Variants in HIP1 observed in about 807,000 individuals in gnomAD.
HIP1 encodes huntingtin-interacting protein 1.
HIP1 carries 65 observed loss-of-function variants against 147.6 expected under a neutral mutation model. That is an observed-to-expected ratio of 0.44 (90% CI 0.36 to 0.54). HIP1 has a LOEUF of 0.54. Among genes scored for constraint, HIP1 ranks in the 20% least tolerant of loss-of-function variants. The pLI, the probability that HIP1 is intolerant of heterozygous loss-of-function variation, is 0.00. For missense variants in HIP1, 1,061 were observed against 1,299.6 expected (o/e 0.82, Z 2.82); for synonymous variants, 479 against 504.0 (o/e 0.95, Z 0.67).
rs1022768203 is a variant in HIP1, at chr7:75,710,636, C to T, written c.120+28165G>A. On this transcript the variant is annotated intron_variant, in intron 1 of 30. Coordinates refer to ENST00000336926, the MANE Select transcript of HIP1 (RefSeq NM_005338.7). ...GGCATGGTGGCACATGTCTGTAGGC[C>T]CAGCTACTTGGGAGGCTTAAGTGGG... Among the ~76,000 whole-genome samples, 11 of 152,112 alleles carry T rather than the reference C, an allele frequency of 7.2e-5. No homozygotes were observed. In the East Asian group the frequency reaches 2.1e-3, roughly 29 times the overall value.
intron 1 of HIP1, among the ~76,000 whole-genome samples, chr7:75,717,890 A>G (rs1258599924): frequency 1.3e-5 from 2 of 151,646 alleles, no homozygotes; most frequent in Non-Finnish European, 2.9e-5. Flanking sequence ...AGAATTGCTT[A>G]AACCCAGAGG....
At chr7:75,646,256 T>G (rs1211223729) in intron 1 of HIP1, among the ~76,000 whole-genome samples, 1 of 152,110 alleles carries the variant, frequency 6.6e-6, no homozygotes, top group Non-Finnish European at 1.5e-5. Flanking sequence ...ATTTTGTGTG[T>G]GTGTATTTTT....
At position 75,559,715 on chromosome 7, in the gene HIP1, C is replaced by A; in HGVS notation, c.1375+17G>T. 1 of 1,207,614 alleles carries A rather than the reference C, an allele frequency of 8.3e-7. No individual in the cohort carries two copies. 74.8% of individuals were successfully genotyped at this position (1,207,614 alleles called of 1,614,324 possible). A position where few individuals can be genotyped will look rare whatever the true frequency, so the allele number is the denominator to read the frequency against. ...GCCTGCCCCCGGGGCCCGCCCCCGC[C>A]CCCACCCACCGCTCACTTTCTATCT... On this transcript the variant is annotated intron_variant, in intron 14 of 30. Coordinates refer to ENST00000336926, the MANE Select transcript of HIP1 (RefSeq NM_005338.7).
chr7:75,554,289 G>GT, intron 20 of HIP1, 69 bp from the exon 21 acceptor site: 3 of 1,378,130 alleles, frequency 2.2e-6, no homozygotes, highest in Non-Finnish European at 3.1e-6. Context: ...CTCTCCTCCC[G>GT]TTTTATGAGT....
At chr7:75,556,291 C>T (rs1795003784) in intron 17 of HIP1, 122 bp from the exon 18 acceptor site, 3 of 1,191,080 alleles carry the variant, frequency 2.5e-6, no homozygotes, top group Non-Finnish European at 3.6e-6. Flanking sequence ...TTTAACCTGC[C>T]ACTCTGATTC....
At chr7:75,556,206 G>T in intron 17 of HIP1, 37 bp from the exon 18 acceptor site, 1 of 1,608,454 alleles carries the variant, frequency 6.2e-7, no homozygotes, top group Middle Eastern at 1.7e-4. Flanking sequence ...GGAGACGCTG[G>T]TTGAGTTAAA....
intron 9 of HIP1, among the ~76,000 whole-genome samples, chr7:75,567,721 A>G (rs1554495828): frequency 1.3e-5 from 2 of 149,958 alleles, no homozygotes; most frequent in African/African-American, 5.1e-5. Context: ...GAATCACTTG[A>G]ACCCAGGAGG....
chr7:75,555,197 G>GGGT (rs1794947858), intron 19 of HIP1, among the ~76,000 whole-genome samples: 1 of 99,058 alleles, frequency 1.0e-5, no homozygotes, highest in African/African-American at 3.8e-5. Context: ...CGGGGGGGCG[G>GGGT]GGGGGGGGAA....
chr7:75,692,330 C>T (rs1360660589), intron 1 of HIP1, among the ~76,000 whole-genome samples: 1 of 151,604 alleles, frequency 6.6e-6, no homozygotes, highest in Non-Finnish European at 1.5e-5. Flanking sequence ...TTGATCATAG[C>T]TTACTGCAGC....
intron 1 of HIP1, among the ~76,000 whole-genome samples, chr7:75,623,210 C>CAAAAA (rs34787591): frequency 2.4e-5 from 2 of 83,018 alleles, no homozygotes; most frequent in Admixed American, 1.6e-4. Context: ...AAAAAAAAAG[C>CAAAAA]AAAAAAAAAA....
intron 1 of HIP1, among the ~76,000 whole-genome samples, chr7:75,702,730 C>T (rs1237295510): frequency 1.3e-5 from 2 of 152,154 alleles, no homozygotes; most frequent in Non-Finnish European, 2.9e-5. Context: ...AGACACTGCA[C>T]TCCAGCCTGG....
intron 1 of HIP1, among the ~76,000 whole-genome samples, chr7:75,662,190 GT>G (rs1799343296): frequency 6.6e-6 from 1 of 151,972 alleles, no homozygotes; most frequent in African/African-American, 2.4e-5. Context: ...TTGTTTGTTT[GT>G]TTGTTTGTTT....
intron 1 of HIP1, among the ~76,000 whole-genome samples, chr7:75,685,168 T>C (rs1800215720): frequency 6.6e-6 from 1 of 152,080 alleles, no homozygotes; most frequent in South Asian, 2.1e-4. Flanking sequence ...ATCCTGGCAC[T>C]GTGGGAGGCT....
At chr7:75,703,634 AAAAC>A (rs1414959217) in intron 1 of HIP1, among the ~76,000 whole-genome samples, 2 of 152,180 alleles carry the variant, frequency 1.3e-5, no homozygotes, top group African/African-American at 2.4e-5. Flanking sequence ...CAACACACAC[AAAAC>A]AAACAAACAA....
chr7:75,640,156 T>G (rs1485560846), intron 1 of HIP1, among the ~76,000 whole-genome samples: 1 of 152,236 alleles, frequency 6.6e-6, no homozygotes, highest in African/African-American at 2.4e-5. Context: ...GGAAAAAGCC[T>G]GGCCATTCAA....
chr7:75,641,547 A>G (rs1199219779), intron 1 of HIP1, among the ~76,000 whole-genome samples: 2 of 149,886 alleles, frequency 1.3e-5, no homozygotes, highest in African/African-American at 4.9e-5. Context: ...GCTGGAGTGC[A>G]ATGGTGCAAT....
intron 1 of HIP1, among the ~76,000 whole-genome samples, chr7:75,656,433 G>GAAA (rs34354618): frequency 3.0e-5 from 4 of 134,176 alleles, no homozygotes; most frequent in Non-Finnish European, 4.8e-5. Context: ...TATAAACTTA[G>GAAA]AAAAAAAAAA....
At chr7:75,649,539 A>G (rs554138725) in intron 1 of HIP1, among the ~76,000 whole-genome samples, 2 of 152,282 alleles carry the variant, frequency 1.3e-5, no homozygotes, top group Non-Finnish European at 2.9e-5. Context: ...TGTTATTGCC[A>G]GCTGCGGTTC....
intron 1 of HIP1, among the ~76,000 whole-genome samples, chr7:75,694,976 T>C (rs777730358): frequency 1.3e-5 from 2 of 152,118 alleles, no homozygotes; most frequent in African/African-American, 4.8e-5. Context: ...TTGAACTCTA[T>C]GAGAAAACTA....
Sources: allele counts gnomAD v4.1 joint callset (sites outside exome capture counted in the v4.1 genomes callset), GRCh38; gene constraint gnomAD v4.1.1; transcripts MANE v1.5; gene names NCBI Gene and HGNC (gene_info 2026-07-23, HGNC 2026-07-21).